The following LYPD4 variants were observed in gnomAD, a reference collection of about 807,000 sequenced individuals.
The protein encoded by LYPD4 is LY6/PLAUR domain containing 4, also known as ly6/PLAUR domain-containing protein 4.
LYPD4 carries 20 observed loss-of-function variants against 18.2 expected under a neutral mutation model. The ratio of observed to expected loss-of-function variants is 1.10; its 90% confidence interval spans 0.77 to 1.59. The LOEUF (loss-of-function observed/expected upper bound fraction) is 1.59, where lower values mean the gene tolerates loss of function less well. Among genes scored for constraint, LYPD4 ranks in the 40% most tolerant of loss-of-function variants. The pLI, the probability that LYPD4 is intolerant of heterozygous loss-of-function variation, is 0.00. For missense variants in LYPD4, 278 were observed against 300.3 expected (o/e 0.93, Z 0.55); for synonymous variants, 111 against 118.3 (o/e 0.94, Z 0.40).
chr19:41,840,824 C>T (rs778883834), intron 1 of LYPD4, among the ~76,000 whole-genome samples: 86 of 149,026 alleles, frequency 5.8e-4, no homozygotes, highest in Non-Finnish European at 9.9e-4. Context: ...AGCGAAACTC[C>T]GTCTCAAAAA....
At chr19:41,840,049 T>G (rs1461630891) in intron 1 of LYPD4, among the ~76,000 whole-genome samples, 9 of 147,694 alleles carry the variant, frequency 6.1e-5, no homozygotes, top group Non-Finnish European at 1.0e-4. Flanking sequence ...AGACTCCATT[T>G]CAAAAAAAAA....
Position 41,837,999 on chromosome 19 carries a change from G to A in LYPD4, c.474C>T (p.Val158=), listed in dbSNP as rs78943146. The change falls in exon 4 of 5, where the codon GTC becomes GTT. Residue 158 remains valine (V), a synonymous_variant. Coordinates refer to ENST00000609812, the MANE Select transcript of LYPD4 (RefSeq NM_173506.7). ...EHMKDCLPNF[V]TTNSCPLAAS... The stretch of plus-strand genomic sequence containing the variant: ...CAGCCAAGGGGCAAGAATTAGTGGT[G>A]ACAAAATTTGGGAGGCAATCCTTCA... 1,147 of 1,614,118 alleles carry A rather than the reference G, an allele frequency of 7.1e-4. 5 individuals carry two copies. The African/African-American group carries it at 0.014, about 20-fold the overall frequency.
Position 41,837,964 on chromosome 19 carries a change from C to T in LYPD4, c.509G>A (p.Cys170Tyr), listed in dbSNP as rs1330050815. The change falls in exon 4 of 5, where the codon TGT becomes TAT. Residue 170 changes from cysteine (C) to tyrosine (Y), a missense_variant. By Grantham distance (194) the Cys-to-Tyr change is radical. Transcript: ENST00000609812. Reference protein sequence around the residue: ...TNSCPLAASTCYSSTLKFQAG... With the variant: ...TNSCPLAASTYYSSTLKFQAG... ...CTGAAATTTTAAGGTGGAACTGTAA[C>T]ACGTAGAAGCAGCCAAGGGGCAAGA... 1 of 1,611,880 alleles carries T rather than the reference C, an allele frequency of 6.2e-7. No individual in the cohort carries two copies. Among genetic ancestry groups the T allele is most frequent in the East Asian group, 2.2e-5 (1 of 44,818 alleles).
At chr19:41,844,694 G>A (rs2073783122), upstream of LYPD4, 1 of 152,352 alleles carries the variant, frequency 6.6e-6, no homozygotes, top group Admixed American at 6.5e-5. Flanking sequence ...AACGCCCCAG[G>A]GGCGGGGCCA....
rs999550830 is a variant in LYPD4 at position 41,844,662 on chromosome 19, C to T, written c.-1205G>A. ...AGGGAAGGCCAGAAACGAGGCAACC[C>T]GTGCACAGACCGGGCTTGGTCAACG... On this transcript the variant is annotated 5_prime_UTR_variant, in exon 1 of 5. Coordinates refer to ENST00000609812, the MANE Select transcript of LYPD4 (RefSeq NM_173506.7). 6.6e-6 allele frequency: 1 copy of T among 152,348 alleles called. No individual in the cohort carries two copies. The highest frequency in any genetic ancestry group is 1.9e-4 in the East Asian group (1 of 5,180). The allele number at this position is 152,348 out of a possible 1,614,324, so 9.4% of individuals were successfully genotyped here.
In LYPD4 at chr19:41,843,062, A is replaced by C. The variant is rs58643304; in HGVS notation, c.-121+516T>G. Among the ~76,000 whole-genome samples the C allele has an allele frequency of 1.1e-4, 6 of 53,478 alleles. 1 individual carries two copies. The highest frequency in any genetic ancestry group is 2.3e-4 in the African/African-American group (3 of 13,014). The allele number at this position is 53,478 out of a possible 152,430, so 35.1% of individuals were successfully genotyped here. ...AAAAAAAAAAAAAAAAAAAAAAAAA[A>C]AAAAAAAAAAAAAAACCCCAACAAC... On this transcript the variant is annotated intron_variant, in intron 1 of 4. Transcript: ENST00000609812.
chr19:41,839,048 T>A, intron 2 of LYPD4, 24 bp from the exon 3 acceptor site: 1 of 1,612,584 alleles, frequency 6.2e-7, no homozygotes, highest in South Asian at 1.1e-5. Context: ...GCTCTCCCAG[T>A]CATTGGCCCC....
chr19:41,838,896 C>A lies in LYPD4; in HGVS notation c.196G>T (p.Val66Leu). The A allele has an allele frequency of 6.2e-7, 1 of 1,613,974 alleles. No individual in the cohort carries two copies. The highest frequency in any genetic ancestry group is 1.1e-5 in the South Asian group (1 of 91,078). The change falls in exon 3 of 5, where the codon GTG (valine) becomes TTG (leucine). Residue 66 changes from valine to leucine, a missense_variant. Coordinates refer to ENST00000609812, the MANE Select transcript of LYPD4 (RefSeq NM_173506.7). ...KLQEGCEETL[V>L]FIETGTARGV... Reference sequence around the variant, plus strand: ...ACTGCTTCACCTGTCTCAATGAACACTAGCGTCTCCTCGCAGCCCTCTTGC... The same window carrying A: ...ACTGCTTCACCTGTCTCAATGAACAATAGCGTCTCCTCGCAGCCCTCTTGC...
chr19:41,842,203 C>T (rs1192597713), intron 1 of LYPD4, among the ~76,000 whole-genome samples: 2 of 152,058 alleles, frequency 1.3e-5, no homozygotes, highest in East Asian at 3.9e-4. Flanking sequence ...CCAACACACC[C>T]AGCTTTGTAG....
At chr19:41,841,856 G>A (rs1195040826) in intron 1 of LYPD4, among the ~76,000 whole-genome samples, 1 of 151,976 alleles carries the variant, frequency 6.6e-6, no homozygotes, top group African/African-American at 2.4e-5. Flanking sequence ...GGAGGGCTGG[G>A]GAATAAAACA....
Position 41,838,973 on chromosome 19 carries a change from A to ATTG in LYPD4, c.118_119insCAA (p.Val40delinsAlaIle), listed in dbSNP as rs1555832329. On this transcript the variant is annotated protein_altering_variant, in exon 3 of 5. Coordinates refer to ENST00000609812, the MANE Select transcript of LYPD4 (RefSeq NM_173506.7). ...AAGCCACTTCCAGTTATGGAAAGCA[A>ATTG]CAGCTCTGAATCTTGAGGCTGTTGC... is the stretch of plus-strand genomic sequence containing the variant. The ATTG allele has an allele frequency of 6.2e-7, 1 of 1,613,980 alleles. No homozygotes were observed. Among genetic ancestry groups the ATTG allele is most frequent in the Admixed American group, 1.7e-5 (1 of 59,998 alleles).
intron 4 of LYPD4, 30 bp downstream of exon 4, chr19:41,837,905 A>T (rs782722207): frequency 6.4e-7 from 1 of 1,564,736 alleles, no homozygotes; most frequent in African/African-American, 1.4e-5. Context: ...GAGAGTAGGC[A>T]TTTGATAAAC....
rs991784297 is a variant in LYPD4 at position 41,843,971 on chromosome 19, C to T, written c.-514G>A. On this transcript the variant is annotated 5_prime_UTR_variant, in exon 1 of 5. Transcript: ENST00000609812. ...GTAGTCAGAGGGGATGCCACCCCTA[C>T]AAAAGACAAACAAATTGATGGAATG... 1.6e-5 allele frequency: 2 copies of T among 126,820 alleles called. No individual in the cohort carries two copies. Among genetic ancestry groups the T allele is most frequent in the Non-Finnish European group, 3.3e-5 (2 of 61,526 alleles). 7.9% of individuals were successfully genotyped at this position (126,820 alleles called of 1,614,324 possible).
rs2073770021 is a variant in LYPD4 at position 41,844,454 on chromosome 19, C to G, written c.-997G>C. The G allele has an allele frequency of 6.6e-6, 1 of 152,278 alleles. No individual in the cohort carries two copies. The highest frequency in any genetic ancestry group is 1.5e-5 in the Non-Finnish European group (1 of 68,138). The allele number at this position is 152,278 out of a possible 1,614,324, so 9.4% of individuals were successfully genotyped here. ...ACCGACACAAAGACAAGAAGAGACA[C>G]AAGGAAAGGGGTGCAATCTGAGGAA... On this transcript the variant is annotated 5_prime_UTR_variant, in exon 1 of 5. Transcript: ENST00000609812.
Position 41,843,591 on chromosome 19 carries a change from T to C in LYPD4, c.-134A>G, listed in dbSNP as rs2073724805. ...GCGCCACCCAACCTTTCCAATTTTA[T>C]CTAGGACAGCTCCCCTGCCCAGCAG... On this transcript the variant is annotated 5_prime_UTR_variant, in exon 1 of 5. Transcript: ENST00000609812. 1.3e-5 allele frequency: 2 copies of C among 151,334 alleles called. No homozygotes were observed. Among genetic ancestry groups the C allele is most frequent in the South Asian group, 2.1e-4 (1 of 4,792 alleles). The allele number at this position is 151,334 out of a possible 1,614,324, so 9.4% of individuals were successfully genotyped here. A position where few individuals can be genotyped will look rare whatever the true frequency, so the allele number is the denominator to read the frequency against.
chr19:41,837,720 T>A (rs572804074), intron 4 of LYPD4, among the ~76,000 whole-genome samples: 1 of 148,834 alleles, frequency 6.7e-6, no homozygotes, highest in Admixed American at 6.7e-5. Context: ...GCCCCTGCCT[T>A]CTCCCCAGAG....
At position 41,839,954 on chromosome 19, in the gene LYPD4, C is replaced by G. The variant is rs74386560; in HGVS notation, c.-120-549G>C. Among the ~76,000 whole-genome samples the G allele has an allele frequency of 7.6e-4, 116 of 151,666 alleles. 1 individual carries two copies. The East Asian group carries it at 0.019, about 25-fold the overall frequency. ...GTCCCAGCTACTCAGGAGGCTGAAG[C>G]ATGAGAATCGCTTGAACCCAGGAGG... On this transcript the variant is annotated intron_variant, in intron 1 of 4. Transcript: ENST00000609812.
chr19:41,835,685 A>G, downstream of LYPD4: 1 of 684,658 alleles, frequency 1.5e-6, no homozygotes, highest in Non-Finnish European at 1.8e-6. Flanking sequence ...CTTCCCAACC[A>G]CCCCTTCCAG....
rs73049347 is a variant in LYPD4, at chr19:41,843,592, C to G, written c.-135G>C. 0.034 allele frequency: 5,096 copies of G among 150,866 alleles called. 141 individuals are homozygous for G. The highest frequency in any genetic ancestry group is 0.049 in the Non-Finnish European group (3,309 of 67,756). 9.3% of individuals were successfully genotyped at this position (150,866 alleles called of 1,614,324 possible). On this transcript the variant is annotated 5_prime_UTR_variant, in exon 1 of 5. Transcript: ENST00000609812. The stretch of plus-strand genomic sequence containing the variant: ...CGCCACCCAACCTTTCCAATTTTAT[C>G]TAGGACAGCTCCCCTGCCCAGCAGT...
Sources: gnomAD v4.1 joint callset for allele counts (sites outside exome capture counted in the v4.1 genomes callset) on GRCh38, gnomAD v4.1.1 for gene constraint, MANE v1.5 for transcripts, NCBI Gene and HGNC (gene_info 2026-07-23, HGNC 2026-07-21) for gene names.